The following CSMD1 variants were observed in gnomAD, a reference collection of about 807,000 sequenced individuals.
CSMD1 encodes the protein CUB and Sushi multiple domains 1.
A neutral mutation model predicts 417.5 loss-of-function variants in CSMD1; 213 were observed. The observed-to-expected ratio is 0.51, with a 90% confidence interval of 0.46 to 0.57. CSMD1 has a LOEUF of 0.57. Ranked by LOEUF, CSMD1 falls within the 20% of genes least tolerant of loss-of-function variation. The pLI is 0.00. For missense variants in CSMD1, 6,923 were observed against 4,529.7 expected (o/e 1.53, Z -15.17); for synonymous variants, 2,862 against 1,736.8 (o/e 1.65, Z -16.11).
intron 7 of CSMD1, among the ~76,000 whole-genome samples, chr8:3,642,584 G>A (rs955864864): frequency 4.6e-5 from 7 of 152,144 alleles, no homozygotes; most frequent in Admixed American, 3.9e-4. Context: ...AGGATGAAAA[G>A]CAATTCACAA....
intron 12 of CSMD1, among the ~76,000 whole-genome samples, chr8:3,425,105 G>A (rs1055397000): frequency 1.1e-4 from 16 of 152,070 alleles, no homozygotes; most frequent in East Asian, 1.9e-4. Context: ...ATCCCAAAGC[G>A]CCACCATGCT....
chr8:3,908,380 A>G (rs1212020033), intron 5 of CSMD1, among the ~76,000 whole-genome samples: 5 of 152,220 alleles, frequency 3.3e-5, no homozygotes, highest in African/African-American at 4.8e-5. Context: ...CATTTTCCCA[A>G]TGGGAATCTG....
chr8:4,011,766 T>C (rs904902555), intron 4 of CSMD1, among the ~76,000 whole-genome samples: 1 of 152,184 alleles, frequency 6.6e-6, no homozygotes, highest in South Asian at 2.1e-4. Flanking sequence ...TGGTTACATC[T>C]TATACAAGTG....
chr8:4,801,031 A>G (rs1798256070), intron 1 of CSMD1, among the ~76,000 whole-genome samples: 1 of 152,216 alleles, frequency 6.6e-6, no homozygotes, highest in Non-Finnish European at 1.5e-5. Context: ...TCTTGGATTC[A>G]CCATTTAATA....
intron 2 of CSMD1, among the ~76,000 whole-genome samples, chr8:4,433,748 C>T (rs911981820): frequency 5.9e-5 from 9 of 152,136 alleles, no homozygotes; most frequent in African/African-American, 1.9e-4. Flanking sequence ...TTATTTCCTA[C>T]ACCTTTATGA....
At chr8:4,712,305 T>C (rs1374100614) in intron 1 of CSMD1, among the ~76,000 whole-genome samples, 1 of 152,214 alleles carries the variant, frequency 6.6e-6, no homozygotes, top group African/African-American at 2.4e-5. Flanking sequence ...GGAGATGTAA[T>C]TTAATGATGG....
chr8:3,615,777 G>A (rs1802107472), intron 8 of CSMD1, among the ~76,000 whole-genome samples: 1 of 151,860 alleles, frequency 6.6e-6, no homozygotes, highest in African/African-American at 2.4e-5. Context: ...TTTCAAAAAT[G>A]GTGACATTGT....
At chr8:4,901,650 G>C (rs1804877067) in intron 1 of CSMD1, among the ~76,000 whole-genome samples, 2 of 152,116 alleles carry the variant, frequency 1.3e-5, no homozygotes, top group African/African-American at 2.4e-5. Flanking sequence ...TAGAAAGTTT[G>C]CAAGGCTCTT....
At chr8:3,159,973 T>C (rs1819781729) in intron 38 of CSMD1, among the ~76,000 whole-genome samples, 1 of 152,238 alleles carries the variant, frequency 6.6e-6, no homozygotes, top group Admixed American at 6.5e-5. Flanking sequence ...TATTACAGTT[T>C]GGGAATTTGA....
rs775683278 is a variant in CSMD1 at position 3,187,982 on chromosome 8, T to A, written c.5524-17A>T. On this transcript the variant is annotated splice_polypyrimidine_tract_variant and intron_variant, in intron 35 of 69. Coordinates refer to ENST00000635120, the MANE Select transcript of CSMD1 (RefSeq NM_033225.6). ...CACTTGGATCTACCAAACCATGACA[T>A]TAAGTTAATATTTATTTTTGGCTTA... is the stretch of plus-strand genomic sequence containing the variant. 6.2e-7 allele frequency: 1 copy of A among 1,604,914 alleles called. No homozygotes were observed. The highest frequency in any genetic ancestry group is 1.1e-5 in the South Asian group (1 of 89,694).
rs193196821 is a variant in CSMD1 at position 4,781,675 on chromosome 8, G to A, written c.86-144117C>T. On this transcript the variant is annotated intron_variant, in intron 1 of 69. Coordinates refer to ENST00000635120, the MANE Select transcript of CSMD1 (RefSeq NM_033225.6). ...ATGTATTCAACTGTAAAATGGTATC[G>A]GTCATGAAGAAGTCAGGTGATGGAG... is the stretch of plus-strand genomic sequence containing the variant. Among the ~76,000 whole-genome samples the A allele has an allele frequency of 1.2e-3, 185 of 152,144 alleles. 1 individual carries two copies. Among genetic ancestry groups the A allele is most frequent in the African/African-American group, 4.3e-3 (177 of 41,514 alleles).
At chr8:3,602,058 G>A (rs1307528762) in intron 8 of CSMD1, among the ~76,000 whole-genome samples, 2 of 152,142 alleles carry the variant, frequency 1.3e-5, no homozygotes, top group Admixed American at 6.5e-5. Context: ...AAAGAATTCT[G>A]GAGATGGATG....
chr8:4,512,691 G>C (rs563591257), intron 2 of CSMD1, among the ~76,000 whole-genome samples: 2 of 151,956 alleles, frequency 1.3e-5, no homozygotes, highest in East Asian at 1.9e-4. Context: ...ATTTACATTA[G>C]CATACCCCAA....
At chr8:4,623,176 C>G (rs565562159) in intron 2 of CSMD1, among the ~76,000 whole-genome samples, 52 of 152,150 alleles carry the variant, frequency 3.4e-4, no homozygotes, top group African/African-American at 1.2e-3. Context: ...TGAAGATGCG[C>G]AAAATATTTT....
rs1563204675 is a variant in CSMD1, at chr8:3,619,295, A to AGC, written c.1010-2499_1010-2498insGC. Among the ~76,000 whole-genome samples, 551 of 152,280 alleles carry AGC rather than the reference A, an allele frequency of 3.6e-3. 3 individuals are homozygous for AGC. Among genetic ancestry groups the AGC allele is most frequent in the African/African-American group, 0.013 (536 of 41,562 alleles). On this transcript the variant is annotated intron_variant, in intron 7 of 69. Coordinates refer to ENST00000635120, the MANE Select transcript of CSMD1 (RefSeq NM_033225.6). ...AAGTCTTCAGTCCAGGTTGATCTCA[A>AGC]CGTTCAGAGGCCCACTAATTAGTGA...
At chr8:3,311,194 G>T (rs1805317183) in intron 23 of CSMD1, among the ~76,000 whole-genome samples, 1 of 152,100 alleles carries the variant, frequency 6.6e-6, no homozygotes, top group South Asian at 2.1e-4. Flanking sequence ...CTAGCACAAA[G>T]CCTATTTATT....
intron 3 of CSMD1, among the ~76,000 whole-genome samples, chr8:4,233,809 G>A (rs1343421845): frequency 3.9e-5 from 6 of 152,118 alleles, no homozygotes; most frequent in Non-Finnish European, 8.8e-5. Context: ...GATATTTCAT[G>A]AAATTTCATT....
intron 3 of CSMD1, among the ~76,000 whole-genome samples, chr8:4,338,928 G>C (rs1197928521): frequency 6.6e-6 from 1 of 152,138 alleles, no homozygotes; most frequent in South Asian, 2.1e-4. Context: ...TAAAGTTAAA[G>C]TAAGGGTAAG....
At chr8:3,281,278 G>A (rs543575677) in intron 26 of CSMD1, among the ~76,000 whole-genome samples, 19 of 151,904 alleles carry the variant, frequency 1.3e-4, no homozygotes, top group African/African-American at 4.1e-4. Context: ...CCCTGTCTAG[G>A]CTAAAAATAC....
Sources: allele counts gnomAD v4.1 joint callset (sites outside exome capture counted in the v4.1 genomes callset), GRCh38; gene constraint gnomAD v4.1.1; transcripts MANE v1.5; gene names NCBI Gene and HGNC (gene_info 2026-07-23, HGNC 2026-07-21).